GRM8: variants seen among roughly 807,000 people sequenced by gnomAD.
GRM8 encodes metabotropic glutamate receptor 8.
In GRM8, 47 loss-of-function variants were observed where a neutral mutation model predicts 87.2. The ratio of observed to expected loss-of-function variants is 0.54; its 90% confidence interval spans 0.43 to 0.69. The LOEUF (loss-of-function observed/expected upper bound fraction) is 0.69. GRM8 is among the 30% of genes least tolerant of loss of function. GRM8 has a pLI of 0.00. For missense variants in GRM8, 1,019 were observed against 1,139.2 expected (o/e 0.89, Z 1.52); for synonymous variants, 396 against 404.5 (o/e 0.98, Z 0.25).
At chr7:127,125,080 C>T (rs956883123) in intron 2 of GRM8, among the ~76,000 whole-genome samples, 15 of 151,996 alleles carry the variant, frequency 9.9e-5, no homozygotes, top group African/African-American at 3.1e-4. Flanking sequence ...TGCTTTTCCC[C>T]TAAGAGTCTG....
intron 9 of GRM8, among the ~76,000 whole-genome samples, chr7:126,491,511 A>T (rs1330308692): frequency 1.3e-5 from 2 of 152,204 alleles, no homozygotes; most frequent in South Asian, 4.1e-4. Flanking sequence ...CTTGCATTTT[A>T]TAAGTATGCA....
chr7:126,555,807 T>A (rs1300235723), intron 8 of GRM8, among the ~76,000 whole-genome samples: 1 of 152,218 alleles, frequency 6.6e-6, no homozygotes. Flanking sequence ...GGAATACAAA[T>A]GCTCTCAGAT....
At chr7:126,475,751 TGCA>T (rs1805824305) in intron 9 of GRM8, among the ~76,000 whole-genome samples, 1 of 152,082 alleles carries the variant, frequency 6.6e-6, no homozygotes, top group African/African-American at 2.4e-5. Context: ...AACAGCATGG[TGCA>T]AATAAAAACA....
chr7:126,873,951 G>C (rs190208601), intron 6 of GRM8, among the ~76,000 whole-genome samples: 1 of 152,046 alleles, frequency 6.6e-6, no homozygotes, highest in Non-Finnish European at 1.5e-5. Context: ...TTAGTAAGTA[G>C]TGTTATTCTT....
intron 2 of GRM8, among the ~76,000 whole-genome samples, chr7:127,203,578 C>T (rs565784611): frequency 6.6e-5 from 10 of 152,108 alleles, no homozygotes; most frequent in East Asian, 3.9e-4. Context: ...GATGGTGGTA[C>T]GACCCTGTAA....
At chr7:126,681,960 T>G (rs1314863863) in intron 7 of GRM8, among the ~76,000 whole-genome samples, 1 of 152,208 alleles carries the variant, frequency 6.6e-6, no homozygotes, top group Non-Finnish European at 1.5e-5. Flanking sequence ...TATGTTTTAC[T>G]TGAATTTGAT....
chr7:127,233,183 C>G (rs548117198), intron 2 of GRM8, among the ~76,000 whole-genome samples: 1 of 152,118 alleles, frequency 6.6e-6, no homozygotes, highest in Admixed American at 6.6e-5. Flanking sequence ...AATTATCTTG[C>G]TTAAGGTAAC....
rs1371915410 is a variant in GRM8 at position 126,472,855 on chromosome 7, A to G, written c.2431-26483T>C. ...GTCCCAGCCATGGCTAATAGGGTCC[A>G]ATGTACAGCTCAGGCCATTGCTTCA... On this transcript the variant is annotated intron_variant, in intron 9 of 10. Coordinates refer to ENST00000339582, the MANE Select transcript of GRM8 (RefSeq NM_000845.3). Among the ~76,000 whole-genome samples, 5 of 152,202 alleles carry G rather than the reference A, an allele frequency of 3.3e-5. No individual in the cohort carries two copies. In the East Asian group the frequency reaches 9.7e-4, roughly 29 times the overall value.
rs3038820 is a variant in GRM8 at position 126,556,337 on chromosome 7, TAAAAAA to T, written c.1495-22456_1495-22451del. ...ACAATGGAGAAGCAGTTCTCCTCTTTAAAAAAAAAAAAAAAAAAAAAAAAGTGGGCC... is the reference window on the plus strand; with the variant it reads ...ACAATGGAGAAGCAGTTCTCCTCTTTAAAAAAAAAAAAAAAAAAGTGGGCC... On this transcript the variant is annotated intron_variant, in intron 8 of 10. Transcript: ENST00000339582. Among the ~76,000 whole-genome samples the T allele has an allele frequency of 1.1e-3, 128 of 111,332 alleles. 2 individuals are homozygous for T. Among genetic ancestry groups the T allele is most frequent in the East Asian group, 7.8e-3 (28 of 3,608 alleles). 73.0% of individuals were successfully genotyped at this position (111,332 alleles called of 152,430 possible).
intron 3 of GRM8, among the ~76,000 whole-genome samples, chr7:126,949,951 G>A (rs922906304): frequency 6.6e-6 from 1 of 152,106 alleles, no homozygotes; most frequent in Non-Finnish European, 1.5e-5. Context: ...GGCTTCTGTC[G>A]AGTATTTTAG....
intron 9 of GRM8, among the ~76,000 whole-genome samples, chr7:126,531,098 A>T (rs1221964216): frequency 6.6e-6 from 1 of 152,198 alleles, no homozygotes; most frequent in Non-Finnish European, 1.5e-5. Flanking sequence ...AAATTTTCAG[A>T]TGTAGATTTA....
At chr7:126,655,602 A>G (rs1804435140) in intron 7 of GRM8, among the ~76,000 whole-genome samples, 1 of 152,168 alleles carries the variant, frequency 6.6e-6, no homozygotes, top group African/African-American at 2.4e-5. Context: ...AACCATGCTT[A>G]TCTCTGATGG....
At chr7:127,218,594 A>G (rs1176898069) in intron 2 of GRM8, among the ~76,000 whole-genome samples, 1 of 152,204 alleles carries the variant, frequency 6.6e-6, no homozygotes, top group Non-Finnish European at 1.5e-5. Flanking sequence ...CCTGGTGCAT[A>G]GTGAGCGTCA....
chr7:126,974,185 A>G (rs1224166386), intron 3 of GRM8, among the ~76,000 whole-genome samples: 3 of 152,374 alleles, frequency 2.0e-5, no homozygotes, highest in African/African-American at 7.2e-5. Flanking sequence ...TCCCCCAGAT[A>G]TCTCACTATG....
At chr7:126,465,733 G>A (rs944008623) in intron 9 of GRM8, among the ~76,000 whole-genome samples, 3 of 151,546 alleles carry the variant, frequency 2.0e-5, no homozygotes, top group Non-Finnish European at 2.9e-5. Context: ...TCTTTACACA[G>A]AATTTATGTC....
At chr7:126,488,972 T>C (rs768200665) in intron 9 of GRM8, among the ~76,000 whole-genome samples, 2 of 151,720 alleles carry the variant, frequency 1.3e-5, no homozygotes, top group Non-Finnish European at 2.9e-5. Context: ...ATATATCAAA[T>C]ATATACTTAA....
At chr7:127,041,167 T>C (rs1818394141) in intron 3 of GRM8, among the ~76,000 whole-genome samples, 1 of 152,198 alleles carries the variant, frequency 6.6e-6, no homozygotes, top group Non-Finnish European at 1.5e-5. Context: ...GAGGCTCTTC[T>C]TAAGTTCTCT....
intron 6 of GRM8, among the ~76,000 whole-genome samples, chr7:126,848,618 C>T (rs1042488321): frequency 3.7e-4 from 56 of 152,092 alleles, no homozygotes; most frequent in Admixed American, 2.9e-3. Context: ...GCCAGAAATT[C>T]GAGACCAGCC....
intron 7 of GRM8, among the ~76,000 whole-genome samples, chr7:126,737,377 C>T (rs939851055): frequency 6.6e-6 from 1 of 152,034 alleles, no homozygotes; most frequent in Non-Finnish European, 1.5e-5. Context: ...GCACTTCCAA[C>T]TTACTGGCAC....
Sources: allele counts gnomAD v4.1 joint callset (sites outside exome capture counted in the v4.1 genomes callset), GRCh38; gene constraint gnomAD v4.1.1; transcripts MANE v1.5; gene names NCBI Gene and HGNC (gene_info 2026-07-23, HGNC 2026-07-21).